The following SRRM4 variants were observed in gnomAD, a reference collection of about 807,000 sequenced individuals.
SRRM4 encodes the protein serine/arginine repetitive matrix protein 4.
Under a neutral mutation model 68.9 loss-of-function variants are expected in SRRM4, and 33 were observed. The ratio of observed to expected loss-of-function variants is 0.48; its 90% CI spans 0.36 to 0.64. The LOEUF (loss-of-function observed/expected upper bound fraction) is 0.64, where lower values mean the gene tolerates loss of function less well. Ranked by LOEUF, SRRM4 falls within the 30% of genes least tolerant of loss-of-function variation. The pLI is 0.00. For missense variants in SRRM4, 817 were observed against 827.1 expected, an observed-to-expected ratio of 0.99 and a Z score of 0.15; for synonymous variants, 318 against 318.8, an observed-to-expected ratio of 1.00 and a Z score of 0.03.
intron 1 of SRRM4, among the ~76,000 whole-genome samples, chr12:119,066,523 C>A (rs148943511): frequency 7.9e-5 from 12 of 152,280 alleles, no homozygotes; most frequent in African/African-American, 2.6e-4. Context: ...GGTTCCCAGC[C>A]CAGACACACC....
chr12:119,061,633 C>A (rs1953812783), intron 1 of SRRM4, among the ~76,000 whole-genome samples: 1 of 152,098 alleles, frequency 6.6e-6, no homozygotes, highest in South Asian at 2.1e-4. Flanking sequence ...AACAATCTTC[C>A]AAGGGGTTGA....
intron 8 of SRRM4, among the ~76,000 whole-genome samples, chr12:119,140,494 C>T (rs1354245762): frequency 3.9e-5 from 6 of 152,124 alleles, no homozygotes; most frequent in African/African-American, 1.4e-4. Context: ...CTACTTTATA[C>T]TCCACTTCCC....
intron 1 of SRRM4, among the ~76,000 whole-genome samples, chr12:119,092,731 A>G (rs1954021318): frequency 6.6e-6 from 1 of 152,100 alleles, no homozygotes; most frequent in African/African-American, 2.4e-5. Flanking sequence ...ATCCCTGGCC[A>G]TATAGGCTCA....
At chr12:119,007,636 G>C (rs894944967) in intron 1 of SRRM4, among the ~76,000 whole-genome samples, 3 of 152,178 alleles carry the variant, frequency 2.0e-5, no homozygotes, top group Non-Finnish European at 2.9e-5. Context: ...ATTAGAGAAT[G>C]AGGAAACAAA....
At chr12:118,988,182 A>G (rs1258862968) in intron 1 of SRRM4, among the ~76,000 whole-genome samples, 1 of 152,100 alleles carries the variant, frequency 6.6e-6, no homozygotes, top group Non-Finnish European at 1.5e-5. Flanking sequence ...TCCCTTGCTT[A>G]TAGTCACACA....
chr12:119,087,875 G>C (rs912568869), intron 1 of SRRM4, among the ~76,000 whole-genome samples: 2 of 152,120 alleles, frequency 1.3e-5, no homozygotes, highest in African/African-American at 4.8e-5. Context: ...CTCACTGCGT[G>C]TCCTCAGGCA....
At chr12:119,067,407 T>C (rs1953852464) in intron 1 of SRRM4, among the ~76,000 whole-genome samples, 1 of 152,172 alleles carries the variant, frequency 6.6e-6, no homozygotes, top group African/African-American at 2.4e-5. Flanking sequence ...TCTTGGGCTC[T>C]AAAAGTCAAT....
At chr12:119,043,418 C>T (rs954623114) in intron 1 of SRRM4, among the ~76,000 whole-genome samples, 2 of 152,068 alleles carry the variant, frequency 1.3e-5, no homozygotes, top group Admixed American at 1.3e-4. Flanking sequence ...GGGAGAGCAT[C>T]AGGATAGCTA....
At chr12:119,088,890 G>A (rs1268278189) in intron 1 of SRRM4, among the ~76,000 whole-genome samples, 1 of 152,212 alleles carries the variant, frequency 6.6e-6, no homozygotes, top group Non-Finnish European at 1.5e-5. Context: ...CATTGATTAA[G>A]TGCTTACTCT....
intron 1 of SRRM4, among the ~76,000 whole-genome samples, chr12:119,080,388 AAT>A (rs2136031047): frequency 6.6e-6 from 1 of 152,266 alleles, no homozygotes; most frequent in Admixed American, 6.5e-5. Context: ...CAATGACTAG[AAT>A]ATAAGTACTA....
chr12:119,119,206 A>G (rs1954202273), intron 4 of SRRM4, among the ~76,000 whole-genome samples: 1 of 152,058 alleles, frequency 6.6e-6, no homozygotes, highest in South Asian at 2.1e-4. Context: ...GTAGCAAACC[A>G]GCACATCCTG....
At chr12:119,074,380 CAT>C (rs1953896220) in intron 1 of SRRM4, among the ~76,000 whole-genome samples, 1 of 152,238 alleles carries the variant, frequency 6.6e-6, no homozygotes, top group East Asian at 1.9e-4. Context: ...GCAGAAGCAC[CAT>C]CTTTGTGAGC....
intron 1 of SRRM4, among the ~76,000 whole-genome samples, chr12:119,052,125 T>A (rs1953746914): frequency 6.6e-6 from 1 of 152,186 alleles, no homozygotes; most frequent in African/African-American, 2.4e-5. Flanking sequence ...AGAGGCTGAA[T>A]CAGATGCAAT....
At chr12:119,092,810 A>G (rs1267720669) in intron 1 of SRRM4, among the ~76,000 whole-genome samples, 1 of 151,892 alleles carries the variant, frequency 6.6e-6, no homozygotes, top group Non-Finnish European at 1.5e-5. Context: ...CTCCAATGGC[A>G]TCTCATCTCA....
In SRRM4 at chr12:119,114,031, A is replaced by C. The variant is rs202084125; in HGVS notation, c.279-247A>C. On this transcript the variant is annotated intron_variant, in intron 2 of 12. Coordinates refer to ENST00000267260, the MANE Select transcript of SRRM4 (RefSeq NM_194286.4). The stretch of plus-strand genomic sequence containing the variant: ...CTATTTAGGAGTAGTTAACCTCTAT[A>C]ACTCTGTTTTTAATAATCAGTTGGT... The C allele has an allele frequency of 1.7e-4, 59 of 347,682 alleles. No individual in the cohort carries two copies. The East Asian group carries it at 2.6e-3, about 16-fold the overall frequency. 21.5% of individuals were successfully genotyped at this position (347,682 alleles called of 1,614,324 possible). A position where few individuals can be genotyped will look rare whatever the true frequency, so the allele number is the denominator to read the frequency against.
intron 1 of SRRM4, among the ~76,000 whole-genome samples, chr12:119,020,375 T>C (rs1200611665): frequency 6.6e-6 from 1 of 152,150 alleles, no homozygotes; most frequent in Non-Finnish European, 1.5e-5. Context: ...CTCACCGTAC[T>C]AAAAGGCAAT....
chr12:119,120,121 T>A, intron 4 of SRRM4, 129 bp from the exon 5 acceptor site: 20 of 455,980 alleles, frequency 4.4e-5, no homozygotes, highest in Non-Finnish European at 6.8e-5. Flanking sequence ...TCCTTCACCA[T>A]CCCTCCCTTT....
In SRRM4 at chr12:118,981,949, G is replaced by A; in HGVS notation, c.67G>A (p.Val23Met). Residue 23 changes from valine (V) to methionine (M), a missense_variant, in exon 1 of 13, where the codon GTG becomes ATG. Physicochemically the swap from Val to Met is conservative, Grantham distance 21. Transcript: ENST00000267260. Reference sequence around the variant, plus strand: ...GTTCTGGCGAGGAACCTTCAAAGCGGTGGCCACCCCCCGTCCCGAGAGCAT... The same window carrying A: ...GTTCTGGCGAGGAACCTTCAAAGCGATGGCCACCCCCCGTCCCGAGAGCAT... ...EKFWRGTFKA[V>M]ATPRPESIIV... 1 of 1,612,876 alleles carries A rather than the reference G, an allele frequency of 6.2e-7. No homozygotes were observed. Among genetic ancestry groups the A allele is most frequent in the Non-Finnish European group, 8.5e-7 (1 of 1,179,570 alleles).
intron 2 of SRRM4, chr12:119,114,014 G>T (rs987911204): frequency 3.7e-6 from 1 of 269,938 alleles, no homozygotes; most frequent in Non-Finnish European, 7.1e-6. Flanking sequence ...ATCTATTTAG[G>T]AGTAGTTAAC....
Sources: gnomAD v4.1 joint callset for allele counts (sites outside exome capture counted in the v4.1 genomes callset) on GRCh38, gnomAD v4.1.1 for gene constraint, MANE v1.5 for transcripts, NCBI Gene and HGNC (gene_info 2026-07-23, HGNC 2026-07-21) for gene names.